Variants in PPM1L observed in about 807,000 individuals in gnomAD.
The protein encoded by PPM1L is protein phosphatase 1L.
PPM1L carries 13 observed loss-of-function variants against 31.4 expected under a neutral mutation model. The ratio of observed to expected loss-of-function variants is 0.41; its 90% confidence interval spans 0.27 to 0.66. The LOEUF (loss-of-function observed/expected upper bound fraction) is 0.66. PPM1L is among the 30% of genes least tolerant of loss of function. The pLI is 0.29. For synonymous variants in PPM1L, 184 were observed against 175.4 expected (o/e 1.05, Z -0.39); for missense variants, 326 against 453.7 (o/e 0.72, Z 2.56).
chr3:160,834,754 T>G (rs917072893), intron 1 of PPM1L, among the ~76,000 whole-genome samples: 2 of 152,188 alleles, frequency 1.3e-5, no homozygotes, highest in Non-Finnish European at 2.9e-5. Flanking sequence ...TTCTCATGTA[T>G]CAATAGCTTG....
intron 1 of PPM1L, among the ~76,000 whole-genome samples, chr3:160,925,945 G>T (rs566531567): frequency 6.6e-6 from 1 of 152,284 alleles, no homozygotes; most frequent in South Asian, 2.1e-4. Flanking sequence ...TGTAGTATAA[G>T]CTAATCTCAC....
chr3:160,964,917 A>G (rs1429961451), intron 2 of PPM1L, among the ~76,000 whole-genome samples: 1 of 152,102 alleles, frequency 6.6e-6, no homozygotes, highest in African/African-American at 2.4e-5. Context: ...ATTACTATTT[A>G]GCAGAAAAAT....
At chr3:160,828,833 A>G (rs1017254772) in intron 1 of PPM1L, among the ~76,000 whole-genome samples, 2 of 152,032 alleles carry the variant, frequency 1.3e-5, no homozygotes, top group East Asian at 3.8e-4. Flanking sequence ...CACCCCAAAC[A>G]CCCTTTATTT....
At chr3:160,822,830 T>C (rs1227474510) in intron 1 of PPM1L, among the ~76,000 whole-genome samples, 1 of 152,076 alleles carries the variant, frequency 6.6e-6, no homozygotes, top group Non-Finnish European at 1.5e-5. Context: ...CAAGGCAGTG[T>C]CCTAGGCCCT....
chr3:160,813,238 A>G (rs1215097358), intron 1 of PPM1L, among the ~76,000 whole-genome samples: 2 of 152,320 alleles, frequency 1.3e-5, no homozygotes, highest in African/African-American at 2.4e-5. Flanking sequence ...AGCTTTTAAT[A>G]TTAAAGAAAT....
At chr3:160,772,768 A>G (rs2108061810) in intron 1 of PPM1L, among the ~76,000 whole-genome samples, 1 of 152,266 alleles carries the variant, frequency 6.6e-6, no homozygotes, top group African/African-American at 2.4e-5. Context: ...ACTTTCTGTC[A>G]CTATAGACTA....
intron 2 of PPM1L, among the ~76,000 whole-genome samples, chr3:160,965,192 A>G (rs984207205): frequency 2.0e-5 from 3 of 151,810 alleles, no homozygotes; most frequent in South Asian, 4.1e-4. Context: ...CGGAGCTTGC[A>G]GTGAGCCGAG....
At chr3:160,884,990 A>G (rs1318560931) in intron 1 of PPM1L, among the ~76,000 whole-genome samples, 4 of 152,148 alleles carry the variant, frequency 2.6e-5, no homozygotes, top group African/African-American at 9.7e-5. Context: ...GTTTGAAGTC[A>G]GTGTTCTTAT....
intron 1 of PPM1L, among the ~76,000 whole-genome samples, chr3:160,764,286 T>C (rs1367201356): frequency 6.6e-6 from 1 of 152,094 alleles, no homozygotes; most frequent in Admixed American, 6.5e-5. Context: ...CATGTGCCAC[T>C]GTGCCCAGCT....
intron 1 of PPM1L, among the ~76,000 whole-genome samples, chr3:160,806,929 GGAAA>G (rs72064577): frequency 0.39 from 57,126 of 148,142 alleles, 11,695 homozygotes; most frequent in East Asian, 0.59. Context: ...AGAAAGAGAG[GGAAA>G]GAAAGAAAGA....
chr3:160,854,006 A>T (rs1711600611), intron 1 of PPM1L, among the ~76,000 whole-genome samples: 1 of 152,222 alleles, frequency 6.6e-6, no homozygotes, highest in African/African-American at 2.4e-5. Context: ...TCGGTTGTAG[A>T]TAGCAATGTC....
At chr3:160,938,885 T>G (rs1425603475) in intron 1 of PPM1L, among the ~76,000 whole-genome samples, 2 of 152,190 alleles carry the variant, frequency 1.3e-5, no homozygotes, top group African/African-American at 2.4e-5. Context: ...TGGAACAGAA[T>G]GAACTGTGCA....
intron 1 of PPM1L, among the ~76,000 whole-genome samples, chr3:160,957,244 T>A (rs913224906): frequency 1.7e-4 from 26 of 152,226 alleles, no homozygotes; most frequent in African/African-American, 5.5e-4. Context: ...CTCATTTTTT[T>A]ATAGCTGCAT....
At chr3:161,058,167 C>CAGG (rs1247258790) in intron 2 of PPM1L, among the ~76,000 whole-genome samples, 1 of 84,482 alleles carries the variant, frequency 1.2e-5, no homozygotes, top group African/African-American at 3.6e-5. Flanking sequence ...CTCTGTCAGC[C>CAGG]AGGCTGGAGT....
At chr3:161,036,890 T>G (rs943133858) in intron 2 of PPM1L, among the ~76,000 whole-genome samples, 2 of 152,238 alleles carry the variant, frequency 1.3e-5, no homozygotes, top group Non-Finnish European at 2.9e-5. Flanking sequence ...CCATGAAATC[T>G]TATTTACTAT....
At chr3:160,820,323 A>G (rs1197871595) in intron 1 of PPM1L, among the ~76,000 whole-genome samples, 1 of 152,138 alleles carries the variant, frequency 6.6e-6, no homozygotes, top group Non-Finnish European at 1.5e-5. Context: ...CTACAAAGCT[A>G]GAGAATCTCA....
chr3:161,043,959 A>T (rs571090604), intron 2 of PPM1L, among the ~76,000 whole-genome samples: 13 of 152,328 alleles, frequency 8.5e-5, no homozygotes, highest in African/African-American at 2.9e-4. Context: ...GCCATGAATT[A>T]AAAAAACAAT....
intron 1 of PPM1L, among the ~76,000 whole-genome samples, chr3:160,922,098 C>T (rs567788657): frequency 6.6e-6 from 1 of 152,112 alleles, no homozygotes. Flanking sequence ...ATCACGAGGT[C>T]AGGAGATCAA....
In PPM1L at chr3:161,069,492, G is replaced by C. The variant is rs34267759; in HGVS notation, c.*335G>C. On this transcript the variant is annotated 3_prime_UTR_variant, in exon 4 of 4. Coordinates refer to ENST00000498165, the MANE Select transcript of PPM1L (RefSeq NM_139245.4). ...AAGATTCTTTTCAAGATCCTGTTCA[G>C]GGTCCTCCAGGCATCAGCTGTTGTG... 9 of 276,140 alleles carry C rather than the reference G, an allele frequency of 3.3e-5. No homozygotes were observed. The highest frequency in any genetic ancestry group is 4.9e-5 in the Non-Finnish European group (7 of 144,084). 17.1% of individuals were successfully genotyped at this position (276,140 alleles called of 1,614,324 possible).
Sources: gnomAD v4.1 joint callset for allele counts (sites outside exome capture counted in the v4.1 genomes callset) on GRCh38, gnomAD v4.1.1 for gene constraint, MANE v1.5 for transcripts, NCBI Gene and HGNC (gene_info 2026-07-23, HGNC 2026-07-21) for gene names.